SIRT1: variants seen among roughly 807,000 people sequenced by gnomAD.
The protein encoded by SIRT1 is NAD-dependent protein deacetylase sirtuin-1.
SIRT1 carries 24 observed loss-of-function variants against 67.9 expected under a neutral mutation model. The ratio of observed to expected loss-of-function variants is 0.35; its 90% CI spans 0.26 to 0.50. The LOEUF (loss-of-function observed/expected upper bound fraction) is 0.50, where lower values mean the gene tolerates loss of function less well. Ranked by LOEUF, SIRT1 falls within the 20% of genes least tolerant of loss-of-function variation. The pLI, the probability that SIRT1 is intolerant of heterozygous loss-of-function variation, is 0.98. For synonymous variants in SIRT1, 378 were observed against 350.7 expected (o/e 1.08, Z -0.87); for missense variants, 873 against 937.2 (o/e 0.93, Z 0.89).
chr10:67,915,786 C>T (rs925040503), intron 8 of SIRT1, among the ~76,000 whole-genome samples: 11 of 152,304 alleles, frequency 7.2e-5, no homozygotes, highest in Admixed American at 7.2e-4. Context: ...ACTTCATTTT[C>T]ATCAAATCTT....
At position 67,885,316 on chromosome 10, in the gene SIRT1, C is replaced by T. The variant is rs990848382; in HGVS notation, c.430+165C>T. ...CCGCGCTCCTCCGGGGCTGCGGTTCCTACTGCGCGAGCTGCCAGTGGATTC... is the reference window on the plus strand; with the variant it reads ...CCGCGCTCCTCCGGGGCTGCGGTTCTTACTGCGCGAGCTGCCAGTGGATTC... On this transcript the variant is annotated intron_variant, in intron 1 of 8. Coordinates refer to ENST00000212015, the MANE Select transcript of SIRT1 (RefSeq NM_012238.5). The T allele has an allele frequency of 4.7e-5, 58 of 1,240,670 alleles. No individual in the cohort carries two copies. In the African/African-American group the frequency reaches 7.9e-4, roughly 17 times the overall value. The allele number at this position is 1,240,670 out of a possible 1,614,324, so 76.9% of individuals were successfully genotyped here.
intron 5 of SIRT1, among the ~76,000 whole-genome samples, 178 bp from the exon 6 acceptor site, chr10:67,907,868 C>G (rs766779277): frequency 1.3e-5 from 2 of 152,118 alleles, no homozygotes; most frequent in African/African-American, 4.8e-5. Context: ...CTAGATTCTC[C>G]TGTAGTATAT....
At chr10:67,913,063 A>G (rs201443287) in intron 8 of SIRT1, 32 bp downstream of exon 8, 12 of 1,557,100 alleles carry the variant, frequency 7.7e-6, no homozygotes, top group Admixed American at 2.1e-5. Flanking sequence ...TTTTGAAAGT[A>G]TAAATGTCAT....
intron 4 of SIRT1, among the ~76,000 whole-genome samples, chr10:67,891,767 G>T (rs1480919901): frequency 6.6e-6 from 1 of 152,152 alleles, no homozygotes; most frequent in Non-Finnish European, 1.5e-5. Flanking sequence ...TTTTCAAAGA[G>T]ATAGTTCATA....
rs1292146988 is a variant in SIRT1 at position 67,888,914 on chromosome 10, A to G, written c.580A>G (p.Ile194Val). The change falls in exon 3 of 9, where the codon ATT becomes GTT. Residue 194 changes from isoleucine to valine, a missense_variant. By Grantham distance (29) the Ile-to-Val change is conservative. Coordinates refer to ENST00000212015, the MANE Select transcript of SIRT1 (RefSeq NM_012238.5). ...PYTFVQQHLM[I>V]GTDPRTILKD... ...TACTTTTGTTCAGCAACATCTTATG[A>G]TTGGCACAGATCCTCGAACAATTCT... 3.1e-6 allele frequency: 5 copies of G among 1,613,536 alleles called. No individual in the cohort carries two copies. The highest frequency in any genetic ancestry group is 4.2e-6 in the Non-Finnish European group (5 of 1,179,758).
chr10:67,915,549 G>T (rs181808552), intron 8 of SIRT1, among the ~76,000 whole-genome samples: 64 of 152,202 alleles, frequency 4.2e-4, no homozygotes, highest in African/African-American at 1.3e-3. Context: ...TGGGTCTTGG[G>T]GCCTGAGATC....
At chr10:67,891,777 A>G (rs889266365) in intron 4 of SIRT1, among the ~76,000 whole-genome samples, 9 of 152,158 alleles carry the variant, frequency 5.9e-5, no homozygotes, top group Non-Finnish European at 2.9e-5. Context: ...GATAGTTCAT[A>G]TTTTTAAAAT....
chr10:67,905,833 A>G (rs1842813145), intron 4 of SIRT1, among the ~76,000 whole-genome samples: 1 of 152,320 alleles, frequency 6.6e-6, no homozygotes, highest in Admixed American at 6.5e-5. Flanking sequence ...CAGTTCATCT[A>G]GATCTCCCTC....
chr10:67,885,050 C>T lies in SIRT1; in HGVS notation c.329C>T (p.Pro110Leu), dbSNP rs1326686646. Residue 110 changes from proline to leucine, a missense_variant, in exon 1 of 9, where the codon CCA becomes CTA. Pro to Leu is a moderately conservative substitution (Grantham distance 98). Coordinates refer to ENST00000212015, the MANE Select transcript of SIRT1 (RefSeq NM_012238.5). ...GACAATGGGCCGGGCCTGCAGGGCC[C>T]ATCTCGGGAGCCACCGCTGGCCGAC... The part of the protein sequence containing the change: ...EGDNGPGLQG[P>L]SREPPLADNL... The T allele has an allele frequency of 2.1e-6, 3 of 1,427,350 alleles. No homozygotes were observed. The highest frequency in any genetic ancestry group is 1.5e-5 in the African/African-American group (1 of 67,008). 88.4% of individuals were successfully genotyped at this position (1,427,350 alleles called of 1,614,324 possible).
At position 67,884,757 on chromosome 10, in the gene SIRT1, C is replaced by T; in HGVS notation, c.36C>T (p.Gly12=). 1 of 1,228,264 alleles carries T rather than the reference C, an allele frequency of 8.1e-7. No homozygotes were observed. The highest frequency in any genetic ancestry group is 1.0e-6 in the Non-Finnish European group (1 of 985,672). 76.1% of individuals were successfully genotyped at this position (1,228,264 alleles called of 1,614,324 possible). The change falls in exon 1 of 9, where the codon GGC becomes GGT. Residue 12 remains glycine, a synonymous_variant. Transcript: ENST00000212015. ...AGGCGGCCCTCGCCCTTCAGCCCGGCGGCTCCCCCTCGGCGGCGGGGGCCG... is the reference window on the plus strand; with the variant it reads ...AGGCGGCCCTCGCCCTTCAGCCCGGTGGCTCCCCCTCGGCGGCGGGGGCCG... ...ADEAALALQP[G]GSPSAAGADR...
chr10:67,905,299 T>C (rs1842804795), intron 4 of SIRT1, among the ~76,000 whole-genome samples: 1 of 152,230 alleles, frequency 6.6e-6, no homozygotes, highest in Admixed American at 6.5e-5. Flanking sequence ...CTGAACTCAC[T>C]TTTCCAAAAC....
chr10:67,916,807 AAAAAAAG>A lies in SIRT1; in HGVS notation c.*215_*221del. On this transcript the variant is annotated 3_prime_UTR_variant, in exon 9 of 9. Transcript: ENST00000212015. ...AACACTAACTTTTTTTTTTTTAAAA[AAAAAAAG>A]GTACTAAGTATCTTCAATCAGCTGT... is the stretch of plus-strand genomic sequence containing the variant. The A allele has an allele frequency of 3.1e-6, 1 of 320,792 alleles. No homozygotes were observed. The highest frequency in any genetic ancestry group is 4.5e-5 in the Admixed American group (1 of 22,018). The allele number at this position is 320,792 out of a possible 1,614,324, so 19.9% of individuals were successfully genotyped here.
Position 67,912,919 on chromosome 10 carries a change from G to C in SIRT1, c.1803G>C (p.Lys601Asn). 6.2e-7 allele frequency: 1 copy of C among 1,614,156 alleles called. No individual in the cohort carries two copies. The highest frequency in any genetic ancestry group is 8.5e-7 in the Non-Finnish European group (1 of 1,180,022). The change falls in exon 8 of 9, where the codon AAG becomes AAC. Residue 601 changes from lysine to asparagine, a missense_variant. Coordinates refer to ENST00000212015, the MANE Select transcript of SIRT1 (RefSeq NM_012238.5). ...IAEQMENPDLKNVGSSTGEKN... is the reference protein window; with the variant it reads ...IAEQMENPDLNNVGSSTGEKN... ...AACAGATGGAAAATCCGGATTTGAA[G>C]AATGTTGGTTCTAGTACTGGGGAGA... is the stretch of plus-strand genomic sequence containing the variant.
intron 4 of SIRT1, among the ~76,000 whole-genome samples, chr10:67,893,004 T>C (rs903734689): frequency 6.6e-6 from 1 of 152,264 alleles, no homozygotes; most frequent in Admixed American, 6.5e-5. Context: ...AGTTTAATAA[T>C]GCATTACACC....
chr10:67,909,414 C>A lies in SIRT1; in HGVS notation c.1329C>A (p.Leu443=). ...VDLLIVIGSS[L]KVRPVALIPS... is the part of the protein sequence containing the mutation. ...TCCTCATTGTTATTGGGTCTTCCCT[C>A]AAAGTAAGACCAGTAGCACTAATTC... The change falls in exon 7 of 9, where the codon CTC becomes CTA. Residue 443 remains leucine, a synonymous_variant. Coordinates refer to ENST00000212015, the MANE Select transcript of SIRT1 (RefSeq NM_012238.5). 2 of 1,610,864 alleles carry A rather than the reference C, an allele frequency of 1.2e-6. No individual in the cohort carries two copies. The highest frequency in any genetic ancestry group is 1.7e-6 in the Non-Finnish European group (2 of 1,179,176).
At chr10:67,899,342 A>G (rs1842706743) in intron 4 of SIRT1, among the ~76,000 whole-genome samples, 1 of 151,106 alleles carries the variant, frequency 6.6e-6, no homozygotes, top group African/African-American at 2.4e-5. Context: ...AATTATATAT[A>G]TATTTGAGAC....
At chr10:67,890,521 G>C (rs1842553286) in intron 3 of SIRT1, among the ~76,000 whole-genome samples, 1 of 152,010 alleles carries the variant, frequency 6.6e-6, no homozygotes, top group South Asian at 2.1e-4. Flanking sequence ...AAAGTGGGAG[G>C]ATCACTTGAG....
In SIRT1 at chr10:67,916,414, A is replaced by G. The variant is rs1223523187; in HGVS notation, c.2065A>G (p.Met689Val). The G allele has an allele frequency of 6.2e-7, 1 of 1,614,186 alleles. No homozygotes were observed. Among genetic ancestry groups the G allele is most frequent in the South Asian group, 1.1e-5 (1 of 91,088 alleles). ...CCAGAGTCCAAGTTTAGAAGAACCCATGGAGGATGAAAGTGAAATTGAAGA... is the reference window on the plus strand; with the variant it reads ...CCAGAGTCCAAGTTTAGAAGAACCCGTGGAGGATGAAAGTGAAATTGAAGA... ...TCQSPSLEEP[M>V]EDESEIEEFY... The change falls in exon 9 of 9, where the codon ATG (methionine) becomes GTG (valine). Residue 689 changes from methionine to valine, a missense_variant. By Grantham distance (21) the Met-to-Val change is conservative. Coordinates refer to ENST00000212015, the MANE Select transcript of SIRT1 (RefSeq NM_012238.5).
At position 67,885,060 on chromosome 10, in the gene SIRT1, G is replaced by A. The variant is rs1200315460; in HGVS notation, c.339G>A (p.Glu113=). Residue 113 remains glutamate, a synonymous_variant, in exon 1 of 9, where the codon GAG becomes GAA. Transcript: ENST00000212015. ...CGGGCCTGCAGGGCCCATCTCGGGA[G>A]CCACCGCTGGCCGACAACTTGTACG... ...NGPGLQGPSR[E]PPLADNLYDE... is the part of the protein sequence containing the mutation. 4.9e-6 allele frequency: 7 copies of A among 1,432,644 alleles called. No homozygotes were observed. The highest frequency in any genetic ancestry group is 5.6e-5 in the Admixed American group (2 of 35,676). The allele number at this position is 1,432,644 out of a possible 1,614,324, so 88.7% of individuals were successfully genotyped here.
Sources: allele counts gnomAD v4.1 joint callset (sites outside exome capture counted in the v4.1 genomes callset), GRCh38; gene constraint gnomAD v4.1.1; transcripts MANE v1.5; gene names NCBI Gene and HGNC (gene_info 2026-07-23, HGNC 2026-07-21).